The following EPM2A variants were observed in gnomAD, a reference collection of about 807,000 sequenced individuals.
EPM2A encodes laforin.
A neutral mutation model predicts 26.5 loss-of-function variants in EPM2A; 21 were observed. That is an observed-to-expected ratio of 0.79 (90% CI 0.56 to 1.14). The LOEUF is 1.14. Ranked by LOEUF, EPM2A falls within the 50% of genes most tolerant of loss-of-function variation. The pLI is 0.00. For synonymous variants in EPM2A, 217 were observed against 177.6 expected, an observed-to-expected ratio of 1.22 and a Z score of -1.76; for missense variants, 458 against 440.8, an observed-to-expected ratio of 1.04 and a Z score of -0.35.
At chr6:145,465,502 G>A (rs531234389) in intron 4 of EPM2A, among the ~76,000 whole-genome samples, 4 of 145,122 alleles carry the variant, frequency 2.8e-5, no homozygotes, top group Admixed American at 7.1e-5. Context: ...GCTTTGTTCC[G>A]TTGCTGGTGA....
In EPM2A at chr6:145,486,642, T is replaced by G. The variant is rs547490411; in HGVS notation, c.555+15880A>C. Among the ~76,000 whole-genome samples the G allele has an allele frequency of 2.0e-5, 3 of 152,250 alleles. No homozygotes were observed. In the South Asian group the frequency reaches 6.2e-4, roughly 32 times the overall value. On this transcript the variant is annotated intron_variant, in intron 4 of 4. Coordinates refer to the EPM2A transcript ENST00000638717. Reference sequence around the variant, plus strand: ...TAACCACGGTTTTATTGTGGTTCAGTGTGCTATCTTTATATATTTGACCCT... The same window carrying G: ...TAACCACGGTTTTATTGTGGTTCAGGGTGCTATCTTTATATATTTGACCCT...
At chr6:145,455,152 G>A (rs1779246740) in intron 4 of EPM2A, among the ~76,000 whole-genome samples, 1 of 151,480 alleles carries the variant, frequency 6.6e-6, no homozygotes, top group Non-Finnish European at 1.5e-5. Flanking sequence ...ATTGTGTTGT[G>A]GTAACAAATG....
chr6:145,430,085 G>A (rs986923385), intron 4 of EPM2A, among the ~76,000 whole-genome samples: 3 of 151,854 alleles, frequency 2.0e-5, no homozygotes, highest in Admixed American at 1.3e-4. Flanking sequence ...CCAGCTACTC[G>A]GAAGGCTGAG....
chr6:145,614,363 G>T (rs1173677238), intron 2 of EPM2A, among the ~76,000 whole-genome samples: 1 of 152,186 alleles, frequency 6.6e-6, no homozygotes, highest in Non-Finnish European at 1.5e-5. Flanking sequence ...TCAGTAATAA[G>T]ACTGTTTTGC....
chr6:145,675,481 A>G (rs1779965363), intron 2 of EPM2A, among the ~76,000 whole-genome samples: 1 of 152,352 alleles, frequency 6.6e-6, no homozygotes, highest in African/African-American at 2.4e-5. Context: ...ATTAAAAGAC[A>G]CAGACTGGCA....
Position 145,544,306 on chromosome 6 carries a change from G to A in EPM2A, c.341-41731C>T, listed in dbSNP as rs1780553499. Among the ~76,000 whole-genome samples the A allele has an allele frequency of 2.6e-5, 4 of 152,148 alleles. 1 individual carries two copies. In the South Asian group the frequency reaches 8.3e-4, roughly 31 times the overall value. On this transcript the variant is annotated intron_variant, in intron 2 of 3. Transcript: ENST00000450221. Reference sequence around the variant, plus strand: ...AAAGAGTGAGTCAGACTCCACCTGGGTTTGTGAATTTTTTGCAGTTTGCAA... The same window carrying A: ...AAAGAGTGAGTCAGACTCCACCTGGATTTGTGAATTTTTTGCAGTTTGCAA...
intron 2 of EPM2A, among the ~76,000 whole-genome samples, chr6:145,648,310 A>G (rs1777633781): frequency 6.6e-6 from 1 of 152,226 alleles, no homozygotes; most frequent in South Asian, 2.1e-4. Flanking sequence ...GCAACCTAAC[A>G]GAATCCCGAG....
chr6:145,654,358 T>G (rs1012420326), intron 2 of EPM2A, among the ~76,000 whole-genome samples: 18 of 152,124 alleles, frequency 1.2e-4, no homozygotes, highest in Non-Finnish European at 2.2e-4. Flanking sequence ...ATTTTGTATT[T>G]TTAGTAGAGA....
chr6:145,610,861 G>A (rs1582895130), intron 2 of EPM2A, among the ~76,000 whole-genome samples: 2 of 152,302 alleles, frequency 1.3e-5, no homozygotes, highest in East Asian at 3.9e-4. Flanking sequence ...ATCCTTTTGT[G>A]TGTAAGGAAT....
intron 2 of EPM2A, among the ~76,000 whole-genome samples, chr6:145,653,501 AT>A (rs1470894966): frequency 6.6e-6 from 1 of 152,252 alleles, no homozygotes; most frequent in African/African-American, 2.4e-5. Context: ...CAGTGTGAGA[AT>A]GGACTAATAC....
intron 2 of EPM2A, among the ~76,000 whole-genome samples, chr6:145,557,070 G>C (rs1440505802): frequency 6.6e-6 from 1 of 152,076 alleles, no homozygotes; most frequent in South Asian, 2.1e-4. Flanking sequence ...CAGATTATCT[G>C]TGCATATTTC....
At chr6:145,456,596 C>G (rs745405511) in intron 4 of EPM2A, among the ~76,000 whole-genome samples, 1 of 152,042 alleles carries the variant, frequency 6.6e-6, no homozygotes, top group Non-Finnish European at 1.5e-5. Context: ...ATTTTTTTCT[C>G]TTAATGAATA....
Position 145,480,238 on chromosome 6 carries a change from G to A in EPM2A, c.555+22284C>T, listed in dbSNP as rs118136272. On this transcript the variant is annotated intron_variant, in intron 4 of 4. Transcript: ENST00000638717. ...CAAGCTGTACAGGAAACATGGCTGA[G>A]GAGGCCTTAGAAAACTTTCAGTCAT... Among the ~76,000 whole-genome samples, 719 of 152,088 alleles carry A rather than the reference G, an allele frequency of 4.7e-3. 24 individuals are homozygous for A. In the East Asian group the frequency reaches 0.086, roughly 18 times the overall value.
intron 4 of EPM2A, among the ~76,000 whole-genome samples, chr6:145,482,562 C>T (rs1266305979): frequency 6.6e-6 from 1 of 151,992 alleles, no homozygotes; most frequent in Non-Finnish European, 1.5e-5. Flanking sequence ...GAAAAAGATA[C>T]TCTATGTAAT....
At chr6:145,524,240 G>T (rs930126121) in intron 2 of EPM2A, among the ~76,000 whole-genome samples, 4 of 152,276 alleles carry the variant, frequency 2.6e-5, no homozygotes, top group African/African-American at 9.6e-5. Flanking sequence ...GTGCTGCAAT[G>T]AACATATGAG....
At chr6:145,638,300 C>T (rs1487197393) in intron 2 of EPM2A, 7 of 152,156 alleles carry the variant, frequency 4.6e-5, no homozygotes, top group African/African-American at 1.7e-4. Context: ...TAAATTAGGA[C>T]ATTTGAGCCT....
At chr6:145,732,411 C>T (rs3064828) in intron 1 of EPM2A, among the ~76,000 whole-genome samples, 3,066 of 56,356 alleles carry the variant, frequency 0.054, 138 homozygotes, top group African/African-American at 0.13. Flanking sequence ...CACACACACA[C>T]ATATATATAT....
At chr6:145,545,401 C>T (rs1305765638) in intron 2 of EPM2A, among the ~76,000 whole-genome samples, 2 of 152,146 alleles carry the variant, frequency 1.3e-5, no homozygotes, top group Admixed American at 1.3e-4. Context: ...CATCCACTAA[C>T]ATTCCGTTGG....
At chr6:145,673,410 T>C (rs925735844) in intron 2 of EPM2A, among the ~76,000 whole-genome samples, 6 of 152,158 alleles carry the variant, frequency 3.9e-5, no homozygotes, top group African/African-American at 9.7e-5. Context: ...CTGGTTCATC[T>C]CACTGGGACT....
Sources: gnomAD v4.1 joint callset for allele counts (sites outside exome capture counted in the v4.1 genomes callset) on GRCh38, gnomAD v4.1.1 for gene constraint, MANE v1.5 for transcripts, NCBI Gene and HGNC (gene_info 2026-07-23, HGNC 2026-07-21) for gene names.